The following MYCBP2 variants were observed in gnomAD, a reference collection of about 807,000 sequenced individuals.
MYCBP2 encodes the protein E3 ubiquitin-protein ligase MYCBP2.
MYCBP2 carries 120 observed loss-of-function variants against 525.3 expected under a neutral mutation model. The ratio of observed to expected loss-of-function variants is 0.23; its 90% CI spans 0.20 to 0.27. The LOEUF (loss-of-function observed/expected upper bound fraction) is 0.27. Among genes scored for constraint, MYCBP2 ranks in the 10% least tolerant of loss-of-function variants. The probability of loss-of-function intolerance (pLI) is 1.00; values close to 1 mark genes in which losing one functional copy is unlikely to be tolerated. For missense variants in MYCBP2, 4,149 were observed against 5,657.1 expected (o/e 0.73, Z 8.55); for synonymous variants, 1,894 against 1,955.8 (o/e 0.97, Z 0.83).
In MYCBP2 at chr13:77,326,464, G is replaced by A. The variant is rs1284518795; in HGVS notation, c.302+10C>T. On this transcript the variant is annotated intron_variant, in intron 1 of 82. Transcript: ENST00000544440. The surrounding 1 kb of genome is among the most constrained non-coding windows in gnomAD (Gnocchi z 4.2). ...CATGGGGCGCAAGGAAGGGCACCCT[G>A]GGGACGCACCTGGAGGCTGGGTGTC... 2.6e-6 allele frequency: 4 copies of A among 1,546,210 alleles called. No homozygotes were observed. The highest frequency in any genetic ancestry group is 2.8e-5 in the African/African-American group (2 of 70,408).
At chr13:77,084,361 GT>G (rs1229979559) in intron 62 of MYCBP2, among the ~76,000 whole-genome samples, 2 of 152,106 alleles carry the variant, frequency 1.3e-5, no homozygotes, top group African/African-American at 2.4e-5. Flanking sequence ...GTAAAAGATG[GT>G]TGCTTTTTGC....
chr13:77,062,728 A>G, intron 73 of MYCBP2, 31 bp from the exon 74 acceptor site: 1 of 1,556,854 alleles, frequency 6.4e-7, no homozygotes, highest in East Asian at 2.2e-5. Flanking sequence ...TACACCACTG[A>G]ATTTTTAGGA....
intron 55 of MYCBP2, chr13:77,110,140 A>G (rs2048554087): frequency 6.6e-6 from 1 of 152,324 alleles, no homozygotes; most frequent in South Asian, 2.1e-4. Flanking sequence ...ATAGAGCCAC[A>G]TTTTTCTTCT....
At chr13:77,076,123 C>A (rs2042251087) in intron 68 of MYCBP2, 1 of 152,164 alleles carries the variant, frequency 6.6e-6, no homozygotes, top group African/African-American at 2.4e-5. Flanking sequence ...AGTAAAGCAA[C>A]TGTATTTTTG....
At chr13:77,069,849 C>CA (rs1451715355) in intron 69 of MYCBP2, among the ~76,000 whole-genome samples, 1 of 150,918 alleles carries the variant, frequency 6.6e-6, no homozygotes, top group African/African-American at 2.4e-5. Context: ...GCCTGGGCAA[C>CA]AGAGCGAGAC....
Position 77,206,673 on chromosome 13 carries a change from T to C in MYCBP2, c.3569A>G (p.His1190Arg). Reference protein sequence around the residue: ...TGSRALTTRSHAALHILGCLD... With the variant: ...TGSRALTTRSRAALHILGCLD... ...CCTACCTAAAATGTGCAAAGCTGCA[T>C]GAGATCGGGTAGTGAGGGCCCTTGA... The change falls in exon 24 of 83, where the codon CAT (histidine) becomes CGT (arginine). Residue 1190 changes from histidine (H) to arginine (R), a missense_variant. Transcript: ENST00000544440. The C allele has an allele frequency of 1.2e-6, 2 of 1,600,476 alleles. No individual in the cohort carries two copies. The highest frequency in any genetic ancestry group is 1.7e-6 in the Non-Finnish European group (2 of 1,173,138).
rs202065288 is a variant in MYCBP2 at position 77,180,252 on chromosome 13, C to T, written c.5008G>A (p.Val1670Met). The stretch of plus-strand genomic sequence containing the variant: ...CTCAGGCTGTTCCTGACTGGTAGCA[C>T]AACAATGACCAGCATTTTCTCCAGA... ...EVLEKMLVIVVLPVRNSLRRE... is the reference protein window; with the variant it reads ...EVLEKMLVIVMLPVRNSLRRE... The change falls in exon 34 of 83, where the codon GTG becomes ATG. Residue 1670 changes from valine (V) to methionine (M), a missense_variant. This residue lies in a region of MYCBP2 where 54 missense variants were observed against 117.0 expected (regional missense o/e 0.46). Coordinates refer to ENST00000544440, the MANE Select transcript of MYCBP2 (RefSeq NM_015057.5). The T allele has an allele frequency of 2.1e-5, 34 of 1,614,058 alleles. No individual in the cohort carries two copies. Among genetic ancestry groups the T allele is most frequent in the Non-Finnish European group, 2.7e-5 (32 of 1,180,030 alleles).
intron 55 of MYCBP2, among the ~76,000 whole-genome samples, chr13:77,106,698 C>G (rs928819902): frequency 1.3e-5 from 2 of 152,010 alleles, no homozygotes; most frequent in Non-Finnish European, 2.9e-5. Flanking sequence ...CTACTAGATA[C>G]AATCTTTTTC....
chr13:77,186,009 A>G lies in MYCBP2; in HGVS notation c.4306T>C (p.Leu1436=). 2 of 1,612,984 alleles carry G rather than the reference A, an allele frequency of 1.2e-6. No homozygotes were observed. The highest frequency in any genetic ancestry group is 1.7e-6 in the Non-Finnish European group (2 of 1,179,692). The stretch of plus-strand genomic sequence containing the variant: ...AATCCTCTAAGTTCTTCAACTCCTA[A>G]GACTAAGGTGGTCCAGCTCCAGTGA... ...ILHWSWTTLV[L]GVEELRGLKG... is the part of the protein sequence containing the mutation. Residue 1436 remains leucine, a synonymous_variant, in exon 31 of 83, where the codon TTA becomes CTA. Coordinates refer to ENST00000544440, the MANE Select transcript of MYCBP2 (RefSeq NM_015057.5).
At chr13:77,223,540 G>C (rs1566968816) in intron 20 of MYCBP2, among the ~76,000 whole-genome samples, 1 of 152,162 alleles carries the variant, frequency 6.6e-6, no homozygotes, top group African/African-American at 2.4e-5. Context: ...CTGCTGTAAT[G>C]AAAGACAAGT....
chr13:77,071,229 A>ATG lies in MYCBP2; in HGVS notation c.11824-520_11824-519dup, dbSNP rs201896706. Among the ~76,000 whole-genome samples the ATG allele has an allele frequency of 8.5e-3, 220 of 25,888 alleles. 1 individual carries two copies. The highest frequency in any genetic ancestry group is 0.05 in the Middle Eastern group (2 of 40). The allele number at this position is 25,888 out of a possible 152,430, so 17.0% of individuals were successfully genotyped here. ...TCTTCTAAGTGCCACATATGTATAT[A>ATG]TGTGTGTGTATATATATATATGCAT... On this transcript the variant is annotated intron_variant, in intron 68 of 82. Coordinates refer to ENST00000544440, the MANE Select transcript of MYCBP2 (RefSeq NM_015057.5).
intron 47 of MYCBP2, 101 bp from the exon 48 acceptor site, chr13:77,146,318 G>T: frequency 3.1e-6 from 2 of 649,000 alleles, no homozygotes; most frequent in African/African-American, 1.9e-5. Context: ...GAGACAACTG[G>T]TTATACATAT....
At chr13:77,291,403 T>C (rs762747963) in intron 2 of MYCBP2, among the ~76,000 whole-genome samples, 4 of 152,222 alleles carry the variant, frequency 2.6e-5, no homozygotes, top group Non-Finnish European at 5.9e-5. Flanking sequence ...AGCAACTAGA[T>C]TGGTCATATA....
chr13:77,185,894 G>A lies in MYCBP2; in HGVS notation c.4421C>T (p.Thr1474Ile). The change falls in exon 31 of 83, where the codon ACC (threonine) becomes ATC (isoleucine). Residue 1474 changes from threonine (T) to isoleucine (I), a missense_variant. Around this residue, in one of 21 missense-constraint regions of MYCBP2, gnomAD observed 292 missense variants for 330.5 expected, o/e 0.88. Transcript: ENST00000544440. Reference protein sequence around the residue: ...TCCLRLLRVYTCEIYPVSATG... With the variant: ...TCCLRLLRVYICEIYPVSATG... ...ACCTGACACTGGGTAAATTTCACAGGTATAGACACGCAATAACCTCAGACA... is the reference window on the plus strand; with the variant it reads ...ACCTGACACTGGGTAAATTTCACAGATATAGACACGCAATAACCTCAGACA... 1.2e-6 allele frequency: 2 copies of A among 1,607,696 alleles called. No individual in the cohort carries two copies. Among genetic ancestry groups the A allele is most frequent in the Admixed American group, 1.7e-5 (1 of 58,438 alleles).
intron 4 of MYCBP2, among the ~76,000 whole-genome samples, chr13:77,276,671 T>G (rs1014264514): frequency 1.3e-5 from 2 of 152,012 alleles, no homozygotes; most frequent in African/African-American, 4.8e-5. Context: ...TGGGGGTTTT[T>G]TTTTTGGTAG....
chr13:77,248,329 C>T (rs1400415799), intron 15 of MYCBP2, among the ~76,000 whole-genome samples: 3 of 151,922 alleles, frequency 2.0e-5, no homozygotes, highest in African/African-American at 4.8e-5. Flanking sequence ...AAAAACACAA[C>T]CCACAGACAG....
chr13:77,068,345 C>T (rs965292564), intron 70 of MYCBP2, among the ~76,000 whole-genome samples: 2 of 147,800 alleles, frequency 1.4e-5, no homozygotes, highest in Non-Finnish European at 3.0e-5. Context: ...AGAATACTCT[C>T]TTATCACAAC....
rs1044941498 is a variant in MYCBP2, at chr13:77,185,247, T to C, written c.4575A>G (p.Gln1525=). ...HCMVKLDNDP[Q]GYLSQPLSLL... ...GACTCAAGGGTTGACTGAGATATCCTTGAGGATCATTATCCAATTTCACCA... is the reference window on the plus strand; with the variant it reads ...GACTCAAGGGTTGACTGAGATATCCCTGAGGATCATTATCCAATTTCACCA... The change falls in exon 32 of 83, where the codon CAA becomes CAG. Residue 1525 remains glutamine, a synonymous_variant. Coordinates refer to ENST00000544440, the MANE Select transcript of MYCBP2 (RefSeq NM_015057.5). The C allele has an allele frequency of 5.0e-6, 8 of 1,614,032 alleles. No homozygotes were observed. The African/African-American group carries it at 8.0e-5, about 16-fold the overall frequency.
intron 5 of MYCBP2, among the ~76,000 whole-genome samples, chr13:77,271,155 A>G (rs2074834450): frequency 6.6e-6 from 1 of 152,122 alleles, no homozygotes; most frequent in Admixed American, 6.6e-5. Context: ...TACACATTCT[A>G]TATCAAATAA....
Sources: allele counts gnomAD v4.1 joint callset (sites outside exome capture counted in the v4.1 genomes callset), GRCh38; gene constraint gnomAD v4.1.1; regional missense constraint gnomAD v4.1.1; non-coding constraint Gnocchi (gnomAD v3.1); transcripts MANE v1.5; gene names NCBI Gene and HGNC (gene_info 2026-07-23, HGNC 2026-07-21).